CSTPP1: variants seen among roughly 807,000 people sequenced by gnomAD.
CSTPP1 encodes the protein centriolar satellite-associated tubulin polyglutamylase complex regulator 1.
At chr11:46,937,687 G>A in the CSTPP1 span, among the ~76,000 whole-genome samples, 1 of 152,178 alleles carries the variant, frequency 6.6e-6, no homozygotes, top group South Asian at 2.1e-4. Flanking sequence ...ACAGGCGCCC[G>A]CCACCTCGCC....
the CSTPP1 span, among the ~76,000 whole-genome samples, chr11:47,128,874 A>G: frequency 6.6e-6 from 1 of 152,056 alleles, no homozygotes; most frequent in African/African-American, 2.4e-5. Flanking sequence ...CTCTGTAGTA[A>G]ACTTTTGCCC....
chr11:47,040,647 C>A, the CSTPP1 span, among the ~76,000 whole-genome samples: 1 of 126,882 alleles, frequency 7.9e-6, no homozygotes, highest in Admixed American at 8.5e-5. Flanking sequence ...AGCCCCTCGA[C>A]CCCGGCAATC....
chr11:46,946,230 A>G, the CSTPP1 span, among the ~76,000 whole-genome samples: 1 of 152,252 alleles, frequency 6.6e-6, no homozygotes, highest in African/African-American at 2.4e-5. Flanking sequence ...TATCATTTAT[A>G]TATTCAAGTA....
chr11:47,140,176 T>C, the CSTPP1 span, among the ~76,000 whole-genome samples: 1 of 152,126 alleles, frequency 6.6e-6, no homozygotes, highest in African/African-American at 2.4e-5. Context: ...TTTTTCTCCC[T>C]CATTATTCAG....
At chr11:47,108,068 A>G in the CSTPP1 span, among the ~76,000 whole-genome samples, 1 of 152,270 alleles carries the variant, frequency 6.6e-6, no homozygotes, top group Non-Finnish European at 1.5e-5. Flanking sequence ...GTATATTGCA[A>G]AGGTACTCAT....
the CSTPP1 span, among the ~76,000 whole-genome samples, chr11:47,018,837 G>C: frequency 2.0e-5 from 3 of 152,106 alleles, no homozygotes; most frequent in Non-Finnish European, 4.4e-5. Flanking sequence ...TTGGTGAAGT[G>C]TCTGTTCAAA....
the CSTPP1 span, among the ~76,000 whole-genome samples, chr11:47,130,150 G>A: frequency 9.2e-5 from 14 of 151,974 alleles, no homozygotes; most frequent in South Asian, 2.1e-4. Flanking sequence ...CCAGGTACTC[G>A]GGAGGCTGAG....
chr11:47,061,901 C>T, the CSTPP1 span, among the ~76,000 whole-genome samples: 1 of 152,108 alleles, frequency 6.6e-6, no homozygotes, highest in Non-Finnish European at 1.5e-5. Flanking sequence ...TAACTTTAAT[C>T]TTTCCCCCTA....
the CSTPP1 span, among the ~76,000 whole-genome samples, chr11:46,938,831 G>A: frequency 1.5e-5 from 2 of 137,356 alleles, no homozygotes; most frequent in Non-Finnish European, 3.1e-5. Flanking sequence ...AGGCTGGAGT[G>A]CAGTGGCACT....
chr11:47,138,008 T>C, the CSTPP1 span: 28 of 513,976 alleles, frequency 5.4e-5, no homozygotes, highest in African/African-American at 4.6e-4. Context: ...ACCCCTCCAA[T>C]ACCCCCACAC....
At chr11:47,029,915 TAGTG>T in the CSTPP1 span, among the ~76,000 whole-genome samples, 1 of 137,644 alleles carries the variant, frequency 7.3e-6, no homozygotes, top group Admixed American at 7.6e-5. Context: ...CTGGGCAACA[TAGTG>T]AGGCCTCGTC....
At chr11:47,009,695 G>T in the CSTPP1 span, among the ~76,000 whole-genome samples, 2 of 152,128 alleles carry the variant, frequency 1.3e-5, no homozygotes, top group Admixed American at 6.5e-5. Context: ...CACTTGGGAG[G>T]CTGAGGCAGA....
chr11:47,135,014 T>A, the CSTPP1 span, among the ~76,000 whole-genome samples: 1 of 151,950 alleles, frequency 6.6e-6, no homozygotes, highest in African/African-American at 2.4e-5. Context: ...GAGGCTGAGA[T>A]GGGAGGATCA....
the CSTPP1 span, among the ~76,000 whole-genome samples, chr11:47,092,466 T>C: frequency 8.5e-4 from 130 of 152,316 alleles, no homozygotes; most frequent in Middle Eastern, 3.4e-3. Context: ...AAGAGAATTA[T>C]GAGAATAGTA....
the CSTPP1 span, among the ~76,000 whole-genome samples, chr11:47,108,673 C>T: frequency 1.3e-5 from 2 of 151,088 alleles, no homozygotes; most frequent in Admixed American, 6.6e-5. Context: ...GTTCAGAAAC[C>T]CACAAGGGTG....
At chr11:47,029,938 A>G in the CSTPP1 span, among the ~76,000 whole-genome samples, 2 of 136,464 alleles carry the variant, frequency 1.5e-5, no homozygotes, top group Non-Finnish European at 3.1e-5. Context: ...TCTCTACTGG[A>G]AAAAAAAAAA....
the CSTPP1 span, chr11:47,161,956 C>T: frequency 9.3e-7 from 1 of 1,079,764 alleles, no homozygotes; most frequent in Non-Finnish European, 1.1e-6. Flanking sequence ...CTCTTCTGAG[C>T]CAGCCTCTGC....
the CSTPP1 span, among the ~76,000 whole-genome samples, chr11:46,937,747 C>A: frequency 6.6e-6 from 1 of 152,058 alleles, no homozygotes; most frequent in African/African-American, 2.4e-5. Context: ...CCGTGTTAAC[C>A]AGGATGGTCT....
At chr11:47,068,363 CTCTATTAA>C in the CSTPP1 span, among the ~76,000 whole-genome samples, 104 of 152,148 alleles carry the variant, frequency 6.8e-4, 1 homozygote, top group African/African-American at 2.4e-3. Context: ...GAAACCCTGT[CTCTATTAA>C]AAACACAAAA....
Sources: gnomAD v4.1 joint callset for allele counts (sites outside exome capture counted in the v4.1 genomes callset) on GRCh38, gnomAD v4.1.1 for gene constraint, MANE v1.5 for transcripts, NCBI Gene and HGNC (gene_info 2026-07-23, HGNC 2026-07-21) for gene names.